Variants in FHIT observed in about 807,000 individuals in gnomAD.
FHIT encodes the protein bis(5'-adenosyl)-triphosphatase.
Under a neutral mutation model 17.9 loss-of-function variants are expected in FHIT, and 19 were observed. The ratio of observed to expected loss-of-function variants is 1.06; its 90% CI spans 0.74 to 1.56. The LOEUF is 1.56. FHIT is among the 40% of genes most tolerant of loss of function. The pLI is 0.00. For missense variants in FHIT, 248 were observed against 189.2 expected (o/e 1.31, Z -1.82); for synonymous variants, 81 against 69.7 (o/e 1.16, Z -0.81).
chr3:59,927,018 C>T (rs541636501), intron 7 of FHIT, among the ~76,000 whole-genome samples: 14 of 152,272 alleles, frequency 9.2e-5, no homozygotes, highest in African/African-American at 1.4e-4. Flanking sequence ...AAAACTTGTA[C>T]GCAAATGTTT....
At chr3:60,838,230 T>C (rs1202707827) in intron 3 of FHIT, among the ~76,000 whole-genome samples, 4 of 152,106 alleles carry the variant, frequency 2.6e-5, no homozygotes, top group African/African-American at 9.7e-5. Context: ...CCCAGCACTT[T>C]GGGAAGCCGA....
chr3:60,246,480 G>A (rs569148400), intron 5 of FHIT, among the ~76,000 whole-genome samples: 30 of 152,130 alleles, frequency 2.0e-4, no homozygotes, highest in African/African-American at 7.0e-4. Flanking sequence ...AAATTATGAG[G>A]CCAGCAAAGC....
At chr3:60,053,942 C>T (rs187588058) in intron 5 of FHIT, among the ~76,000 whole-genome samples, 117 of 152,272 alleles carry the variant, frequency 7.7e-4, no homozygotes, top group African/African-American at 2.7e-3. Flanking sequence ...ATCCACAACC[C>T]TACTCAGAGT....
intron 6 of FHIT, among the ~76,000 whole-genome samples, chr3:60,013,194 C>T (rs1427500768): frequency 1.3e-5 from 2 of 152,156 alleles, no homozygotes; most frequent in African/African-American, 4.8e-5. Flanking sequence ...CTCTTTGAAG[C>T]TCTATGGTAA....
intron 2 of FHIT, among the ~76,000 whole-genome samples, chr3:61,191,864 C>G (rs2038726757): frequency 6.6e-6 from 1 of 152,128 alleles, no homozygotes; most frequent in Non-Finnish European, 1.5e-5. Flanking sequence ...ATAACAAGAA[C>G]AAAGTTGGGA....
intron 2 of FHIT, among the ~76,000 whole-genome samples, chr3:61,184,228 A>G (rs1338115879): frequency 6.6e-6 from 1 of 152,114 alleles, no homozygotes; most frequent in Non-Finnish European, 1.5e-5. Context: ...TTGGGCAGGC[A>G]TCTACTCATG....
At chr3:61,081,935 T>C (rs542423092) in intron 2 of FHIT, among the ~76,000 whole-genome samples, 1 of 152,282 alleles carries the variant, frequency 6.6e-6, no homozygotes, top group East Asian at 1.9e-4. Flanking sequence ...CACCAAGTCG[T>C]GAGCAGACAC....
At chr3:60,515,135 A>G (rs1308083227) in intron 5 of FHIT, among the ~76,000 whole-genome samples, 23 of 152,242 alleles carry the variant, frequency 1.5e-4, no homozygotes, top group Admixed American at 1.4e-3. Flanking sequence ...CCTGGAGCCG[A>G]GGGAGAGCTG....
At chr3:59,812,814 T>A (rs1700454507) in intron 8 of FHIT, among the ~76,000 whole-genome samples, 1 of 152,214 alleles carries the variant, frequency 6.6e-6, no homozygotes. Flanking sequence ...TGTTTGATTT[T>A]TCCTGCTAGT....
chr3:60,926,120 A>C (rs1229228165), intron 3 of FHIT, among the ~76,000 whole-genome samples: 25 of 152,190 alleles, frequency 1.6e-4, no homozygotes, highest in East Asian at 7.7e-4. Context: ...GACTTTAACA[A>C]TCCACTGTCA....
chr3:60,667,329 C>A (rs1553692694), intron 4 of FHIT, among the ~76,000 whole-genome samples: 1 of 151,812 alleles, frequency 6.6e-6, no homozygotes, highest in African/African-American at 2.4e-5. Flanking sequence ...TGGGTGGATT[C>A]CATTGTTTTG....
At chr3:60,893,352 C>A (rs1292304443) in intron 3 of FHIT, among the ~76,000 whole-genome samples, 1 of 152,168 alleles carries the variant, frequency 6.6e-6, no homozygotes, top group African/African-American at 2.4e-5. Flanking sequence ...TCTAGTGACA[C>A]ATAAAACTTG....
At chr3:60,300,554 G>A (rs1343981276) in intron 5 of FHIT, among the ~76,000 whole-genome samples, 1 of 152,032 alleles carries the variant, frequency 6.6e-6, no homozygotes, top group Non-Finnish European at 1.5e-5. Flanking sequence ...ATATCACCGA[G>A]GTGCCCTTCC....
chr3:60,963,848 C>A (rs553014764), intron 3 of FHIT, among the ~76,000 whole-genome samples: 2 of 152,186 alleles, frequency 1.3e-5, no homozygotes, highest in East Asian at 3.9e-4. Flanking sequence ...GCTTTACTTC[C>A]GACTATGTGG....
intron 5 of FHIT, among the ~76,000 whole-genome samples, chr3:60,084,702 T>G (rs1703425966): frequency 6.6e-6 from 1 of 152,152 alleles, no homozygotes; most frequent in South Asian, 2.1e-4. Context: ...ATATAGGTGT[T>G]TGGTTCCTAC....
chr3:60,205,361 A>T (rs965636807), intron 5 of FHIT, among the ~76,000 whole-genome samples: 1 of 152,218 alleles, frequency 6.6e-6, no homozygotes. Context: ...GTATTAACAT[A>T]TTAGCAGGTT....
intron 5 of FHIT, among the ~76,000 whole-genome samples, chr3:60,015,952 C>A (rs1003303673): frequency 6.6e-6 from 1 of 152,154 alleles, no homozygotes; most frequent in African/African-American, 2.4e-5. Context: ...ATTAGAAGAA[C>A]AGCAGATAGC....
At chr3:60,891,387 A>T (rs1193141689) in intron 3 of FHIT, among the ~76,000 whole-genome samples, 1 of 152,198 alleles carries the variant, frequency 6.6e-6, no homozygotes, top group Non-Finnish European at 1.5e-5. Context: ...AACTCAAGAC[A>T]GTGTCAATGA....
At position 61,073,159 on chromosome 3, in the gene FHIT, C is replaced by T. The variant is rs1251951302; in HGVS notation, c.-163-31060G>A. Among the ~76,000 whole-genome samples the T allele has an allele frequency of 2.6e-5, 4 of 152,300 alleles. No individual in the cohort carries two copies. In the East Asian group the frequency reaches 5.8e-4, roughly 22 times the overall value. On this transcript the variant is annotated intron_variant, in intron 2 of 9. Transcript: ENST00000492590. ...CTCCCTGTAGGTCTTGAACAACTAG[C>T]CAGAGGCCCTGCTTTTGTAAGAGGT... is the stretch of plus-strand genomic sequence containing the variant.
Sources: allele counts gnomAD v4.1 joint callset (sites outside exome capture counted in the v4.1 genomes callset), GRCh38; gene constraint gnomAD v4.1.1; transcripts MANE v1.5; gene names NCBI Gene and HGNC (gene_info 2026-07-23, HGNC 2026-07-21).